The following AKAP7 variants were observed in gnomAD, a reference collection of about 807,000 sequenced individuals.
AKAP7 encodes A kinase (PRKA) anchor protein 7.
AKAP7 carries 39 observed loss-of-function variants against 39.5 expected under a neutral mutation model. That is an observed-to-expected ratio of 0.99 (90% CI 0.76 to 1.29). The LOEUF is 1.29. AKAP7 is among the 50% of genes most tolerant of loss of function. The pLI is 0.00. For synonymous variants in AKAP7, 140 were observed against 139.1 expected, an observed-to-expected ratio of 1.01 and a Z score of -0.05; for missense variants, 414 against 407.7, an observed-to-expected ratio of 1.02 and a Z score of -0.13.
chr6:131,254,843 T>C (rs1319616765), intron 7 of AKAP7, among the ~76,000 whole-genome samples: 2 of 152,330 alleles, frequency 1.3e-5, no homozygotes, highest in African/African-American at 4.8e-5. Context: ...AAATATGTGT[T>C]AGTATAGTCT....
At chr6:131,245,168 T>C (rs1811894766) in intron 7 of AKAP7, among the ~76,000 whole-genome samples, 1 of 152,172 alleles carries the variant, frequency 6.6e-6, no homozygotes, top group Non-Finnish European at 1.5e-5. Flanking sequence ...ACTACAAAGA[T>C]GCAGCAGTGG....
At chr6:131,188,687 G>C (rs1806109642) in intron 5 of AKAP7, among the ~76,000 whole-genome samples, 2 of 151,820 alleles carry the variant, frequency 1.3e-5, no homozygotes, top group South Asian at 4.2e-4. Context: ...TACAGGCATA[G>C]GCCATCACAC....
rs1803361857 is a variant in AKAP7, at chr6:131,165,191, A to C, written c.402A>C (p.Gln134His). Residue 134 changes from glutamine to histidine, a missense_variant, in exon 4 of 8, where the codon CAA (glutamine) becomes CAC (histidine). Transcript: ENST00000431975. Reference sequence around the variant, plus strand: ...TTCATATTACCCTGCTGGTGATGCAATTATTAAATGAAGATGAAGTAAACA... The same window carrying C: ...TTCATATTACCCTGCTGGTGATGCACTTATTAAATGAAGATGAAGTAAACA... ...GSFHITLLVM[Q>H]LLNEDEVNIG... 1 of 1,608,046 alleles carries C rather than the reference A, an allele frequency of 6.2e-7. No homozygotes were observed. Among genetic ancestry groups the C allele is most frequent in the Non-Finnish European group, 8.5e-7 (1 of 1,176,996 alleles).
At chr6:131,221,743 G>A (rs1050147649) in intron 7 of AKAP7, among the ~76,000 whole-genome samples, 2 of 152,184 alleles carry the variant, frequency 1.3e-5, no homozygotes, top group South Asian at 2.1e-4. Flanking sequence ...ATGGAACAAC[G>A]AAGCATGGAT....
intron 7 of AKAP7, among the ~76,000 whole-genome samples, chr6:131,220,115 A>G (rs891359071): frequency 4.6e-5 from 7 of 152,166 alleles, no homozygotes; most frequent in African/African-American, 9.7e-5. Flanking sequence ...TGAAGAAAAC[A>G]TTTTCTCCAG....
chr6:131,169,117 A>G lies in AKAP7; in HGVS notation c.433A>G (p.Ile145Val). The G allele has an allele frequency of 1.9e-6, 3 of 1,607,266 alleles. No homozygotes were observed. The highest frequency in any genetic ancestry group is 2.6e-6 in the Non-Finnish European group (3 of 1,174,240). ...LLNEDEVNIGIDALLELKPFI... is the reference protein window; with the variant it reads ...LLNEDEVNIGVDALLELKPFI... The stretch of plus-strand genomic sequence containing the variant: ...AAATGTATTATTTCTTACTAGTGGT[A>G]TTGATGCTCTTTTGGAATTGAAACC... Residue 145 changes from isoleucine to valine, a missense_variant, in exon 5 of 8, where the codon ATT (isoleucine) becomes GTT (valine). Transcript: ENST00000431975.
At chr6:131,207,068 G>A (rs1202714922) in intron 6 of AKAP7, among the ~76,000 whole-genome samples, 2 of 152,116 alleles carry the variant, frequency 1.3e-5, no homozygotes, top group African/African-American at 4.8e-5. Context: ...AAGGACTCTT[G>A]ACTCCTGTGC....
chr6:131,164,519 G>T, intron 3 of AKAP7: 1 of 438,726 alleles, frequency 2.3e-6, no homozygotes, highest in Middle Eastern at 3.4e-4. Context: ...TCATGGTAAT[G>T]CCCCTCCCCA....
intron 7 of AKAP7, among the ~76,000 whole-genome samples, chr6:131,256,519 T>C (rs940723962): frequency 6.6e-6 from 1 of 152,114 alleles, no homozygotes; most frequent in African/African-American, 2.4e-5. Context: ...TGTAGAATTA[T>C]TCCCAGCCCC....
At position 131,146,466 on chromosome 6, in the gene AKAP7, A is replaced by T. The variant is rs111827933; in HGVS notation, c.151+1050A>T. ...TCTATTTTAGTAAAATAAATAAATT[A>T]AAAAAAAATCTGTTTTATGTCATTG... On this transcript the variant is annotated intron_variant, in intron 2 of 7. Coordinates refer to ENST00000431975, the MANE Select transcript of AKAP7 (RefSeq NM_016377.4). 1.0e-2 allele frequency among the ~76,000 whole-genome samples: 1,513 copies of T among 151,898 alleles called. 26 individuals are homozygous for T. Among genetic ancestry groups the T allele is most frequent in the African/African-American group, 0.034 (1,408 of 41,404 alleles).
chr6:131,131,822 G>A (rs189257853), upstream of AKAP7, among the ~76,000 whole-genome samples: 2 of 152,016 alleles, frequency 1.3e-5, no homozygotes, highest in Non-Finnish European at 2.9e-5. Context: ...CCATAGCTGC[G>A]GTCCCCTGTG....
chr6:131,237,756 CTTCATCATT>C (rs1811194015), intron 7 of AKAP7, among the ~76,000 whole-genome samples: 1 of 152,120 alleles, frequency 6.6e-6, no homozygotes, highest in South Asian at 2.1e-4. Flanking sequence ...GTGATATCCC[CTTCATCATT>C]TTTTATTGCG....
intron 5 of AKAP7, among the ~76,000 whole-genome samples, chr6:131,179,759 C>A (rs1804949871): frequency 2.0e-5 from 3 of 152,014 alleles, no homozygotes; most frequent in Admixed American, 6.6e-5. Context: ...ATTCCAGCTA[C>A]TTAGATGGCT....
At chr6:131,174,753 T>C (rs1172381651) in intron 5 of AKAP7, among the ~76,000 whole-genome samples, 1 of 152,220 alleles carries the variant, frequency 6.6e-6, no homozygotes, top group African/African-American at 2.4e-5. Flanking sequence ...CTTAAAACTT[T>C]GTAATAAATT....
chr6:131,255,699 G>C (rs1812786355), intron 7 of AKAP7, among the ~76,000 whole-genome samples: 1 of 152,170 alleles, frequency 6.6e-6, no homozygotes, highest in South Asian at 2.1e-4. Context: ...CTGTCTGTCT[G>C]AGCAAGCTGC....
chr6:131,170,310 GA>G (rs58500841), intron 5 of AKAP7, among the ~76,000 whole-genome samples: 91,876 of 143,930 alleles, frequency 0.64, 28,806 homozygotes, highest in East Asian at 0.95. Flanking sequence ...AAAAAAAAAA[GA>G]AAAAAAAAAG....
Position 131,269,348 on chromosome 6 carries a change from T to G in AKAP7, c.851-12182T>G, listed in dbSNP as rs561813615. Among the ~76,000 whole-genome samples the G allele has an allele frequency of 1.9e-4, 29 of 152,334 alleles. No individual in the cohort carries two copies. The South Asian group carries it at 6.0e-3, about 32-fold the overall frequency. ...CAGGCGTGAGCCCCTGTGCCCAGTC[T>G]AGAATGCATACTACTTTTAACACTA... is the stretch of plus-strand genomic sequence containing the variant. On this transcript the variant is annotated intron_variant, in intron 7 of 7. Transcript: ENST00000431975.
Position 131,282,491 on chromosome 6 carries a change from CT to C in AKAP7, c.*769del, listed in dbSNP as rs1376690895. 9.1e-6 allele frequency: 14 copies of C among 1,535,372 alleles called. No individual in the cohort carries two copies. Among genetic ancestry groups the C allele is most frequent in the African/African-American group, 2.7e-5 (2 of 72,950 alleles). On this transcript the variant is annotated 3_prime_UTR_variant, in exon 8 of 8. Coordinates refer to ENST00000431975, the MANE Select transcript of AKAP7 (RefSeq NM_016377.4). ...GTCCAAAGTGAAACAGATAAAGGAA[CT>C]TTTATTAAAGCCTGAGACTCAGGCC... is the stretch of plus-strand genomic sequence containing the variant.
chr6:131,236,780 G>A (rs1010700782), intron 7 of AKAP7, among the ~76,000 whole-genome samples: 1 of 152,130 alleles, frequency 6.6e-6, no homozygotes, highest in African/African-American at 2.4e-5. Context: ...TGCTGAAGTT[G>A]CCTATCAGCT....
Sources: allele counts gnomAD v4.1 joint callset (sites outside exome capture counted in the v4.1 genomes callset), GRCh38; gene constraint gnomAD v4.1.1; transcripts MANE v1.5; gene names NCBI Gene and HGNC (gene_info 2026-07-23, HGNC 2026-07-21).